Variants in HTR4 observed in about 807,000 individuals in gnomAD.
The protein encoded by HTR4 is 5-hydroxytryptamine receptor 4, also known as 5-hydroxytryptamine (serotonin) receptor 4, G protein-coupled.
A neutral mutation model predicts 36.8 loss-of-function variants in HTR4; 16 were observed. The observed-to-expected ratio is 0.43, with a 90% CI of 0.29 to 0.66. The LOEUF (loss-of-function observed/expected upper bound fraction) is 0.66, where lower values mean the gene tolerates loss of function less well. HTR4 is among the 30% of genes least tolerant of loss of function. The pLI is 0.13. For missense variants in HTR4, 438 were observed against 490.9 expected (o/e 0.89, Z 1.02); for synonymous variants, 189 against 185.1 (o/e 1.02, Z -0.17).
chr5:148,555,858 C>T (rs566789004), intron 2 of HTR4, among the ~76,000 whole-genome samples: 1 of 151,932 alleles, frequency 6.6e-6, no homozygotes, highest in South Asian at 2.1e-4. Flanking sequence ...TGAAAATGGA[C>T]TGTGAATGAT....
intron 2 of HTR4, among the ~76,000 whole-genome samples, chr5:148,582,619 T>C (rs1269629502): frequency 6.6e-6 from 1 of 152,144 alleles, no homozygotes; most frequent in Non-Finnish European, 1.5e-5. Context: ...CCTTTTAAAA[T>C]GAGCCCAATA....
chr5:148,487,852 G>A (rs113600661), intron 6 of HTR4, among the ~76,000 whole-genome samples: 1 of 152,114 alleles, frequency 6.6e-6, no homozygotes, highest in African/African-American at 2.4e-5. Flanking sequence ...CAAAGGGAAA[G>A]GAATGGAAAC....
chr5:148,533,296 A>G (rs891545437), intron 4 of HTR4, among the ~76,000 whole-genome samples: 2 of 152,246 alleles, frequency 1.3e-5, no homozygotes, highest in Admixed American at 1.3e-4. Context: ...ACTAAAATGA[A>G]GCAAGGATAT....
chr5:148,535,478 C>A lies in HTR4; in HGVS notation c.354-12132G>T, dbSNP rs186930321. Among the ~76,000 whole-genome samples the A allele has an allele frequency of 2.6e-5, 4 of 152,042 alleles. No individual in the cohort carries two copies. In the East Asian group the frequency reaches 7.7e-4, roughly 29 times the overall value. ...ATGGCAAAACCCAATCCAAGGAAAC[C>A]AAGACACACAATAAAATGATACAGA... On this transcript the variant is annotated intron_variant, in intron 4 of 6. Transcript: ENST00000377888.
intron 6 of HTR4, among the ~76,000 whole-genome samples, chr5:148,489,245 G>GT (rs1435738828): frequency 6.6e-6 from 1 of 152,162 alleles, no homozygotes; most frequent in Non-Finnish European, 1.5e-5. Flanking sequence ...TATCACATGG[G>GT]TTTTATTATT....
At chr5:148,510,274 A>G (rs1353635303) in intron 5 of HTR4, among the ~76,000 whole-genome samples, 1 of 152,188 alleles carries the variant, frequency 6.6e-6, no homozygotes, top group Admixed American at 6.5e-5. Context: ...CCTACAATAC[A>G]AAGAACCTTG....
chr5:148,632,108 T>A (rs1167972037), intron 2 of HTR4, among the ~76,000 whole-genome samples: 1 of 152,062 alleles, frequency 6.6e-6, no homozygotes, highest in East Asian at 1.9e-4. Context: ...TTCCTTTACA[T>A]CCTTAAAGTG....
At chr5:148,539,952 G>A (rs1196326549) in intron 4 of HTR4, among the ~76,000 whole-genome samples, 2 of 152,076 alleles carry the variant, frequency 1.3e-5, no homozygotes, top group Non-Finnish European at 2.9e-5. Flanking sequence ...TCACAATGGT[G>A]AAGACATAGA....
intron 4 of HTR4, among the ~76,000 whole-genome samples, chr5:148,524,552 C>A (rs765227543): frequency 2.0e-5 from 3 of 152,160 alleles, no homozygotes; most frequent in African/African-American, 7.2e-5. Flanking sequence ...AACTTCTAGA[C>A]CGTTCCTGCA....
chr5:148,453,225 A>C lies in HTR4; in HGVS notation c.1077-1953T>G, dbSNP rs559747767. Among the ~76,000 whole-genome samples the C allele has an allele frequency of 1.3e-4, 20 of 152,244 alleles. No homozygotes were observed. The South Asian group carries it at 3.9e-3, about 30-fold the overall frequency. On this transcript the variant is annotated intron_variant, in intron 5 of 5. Coordinates refer to the HTR4 transcript ENST00000521530. ...AGCCTTACAGCAGCCCCTCAGAAAC[A>C]TCAGGTTCATCTGGACAGTCCCTCT...
chr5:148,458,669 C>A (rs1755189915), intron 5 of HTR4, among the ~76,000 whole-genome samples: 1 of 152,096 alleles, frequency 6.6e-6, no homozygotes, highest in African/African-American at 2.4e-5. Context: ...AAAGGACCAG[C>A]AAGAGCAAAG....
At chr5:148,489,601 C>G (rs551239826) in intron 6 of HTR4, among the ~76,000 whole-genome samples, 1 of 152,236 alleles carries the variant, frequency 6.6e-6, no homozygotes, top group East Asian at 1.9e-4. Context: ...AATGAGTAGT[C>G]TTGTGCCAGG....
At chr5:148,648,030 T>A (rs1443114249) in intron 1 of HTR4, among the ~76,000 whole-genome samples, 1 of 152,128 alleles carries the variant, frequency 6.6e-6, no homozygotes, top group South Asian at 2.1e-4. Context: ...AAAGAATGGA[T>A]TGGTGAATAG....
At chr5:148,533,822 A>C (rs1758686926) in intron 4 of HTR4, among the ~76,000 whole-genome samples, 3 of 152,222 alleles carry the variant, frequency 2.0e-5, no homozygotes, top group African/African-American at 7.2e-5. Context: ...AGAATTGATG[A>C]AATAATATGT....
chr5:148,543,160 T>A (rs995886524), intron 4 of HTR4, among the ~76,000 whole-genome samples: 1 of 152,062 alleles, frequency 6.6e-6, no homozygotes, highest in South Asian at 2.1e-4. Context: ...TCTTTCCTGG[T>A]GGAAGAACCC....
intron 3 of HTR4, 51 bp downstream of exon 3, chr5:148,550,086 G>C (rs754652942): frequency 1.2e-6 from 2 of 1,603,480 alleles, no homozygotes; most frequent in Non-Finnish European, 1.7e-6. Context: ...ACTCTCTAGG[G>C]ACAGCTCAGA....
At position 148,576,117 on chromosome 5, in the gene HTR4, A is replaced by AC. The variant is rs1561629143; in HGVS notation, c.27-25856_27-25855insG. Among the ~76,000 whole-genome samples, 12 of 136,702 alleles carry AC rather than the reference A, an allele frequency of 8.8e-5. 1 individual carries two copies. Among genetic ancestry groups the AC allele is most frequent in the African/African-American group, 3.2e-4 (12 of 37,858 alleles). 89.7% of individuals were successfully genotyped at this position (136,702 alleles called of 152,430 possible). On this transcript the variant is annotated intron_variant, in intron 2 of 6. Transcript: ENST00000377888. ...CAGAGCGAGACTCCGTCTCAAAAAA[A>AC]AAAAAAAAAAAAAAAACAAAATCAA...
chr5:148,508,029 A>G (rs1182396661), intron 6 of HTR4, among the ~76,000 whole-genome samples: 1 of 152,174 alleles, frequency 6.6e-6, no homozygotes, highest in East Asian at 1.9e-4. Flanking sequence ...ACACCATGCT[A>G]GGCTTTAGCT....
intron 2 of HTR4, among the ~76,000 whole-genome samples, chr5:148,602,264 G>A (rs1388220415): frequency 6.6e-6 from 1 of 151,962 alleles, no homozygotes; most frequent in Non-Finnish European, 1.5e-5. Flanking sequence ...ATCAAGTTAT[G>A]GACCATAAAC....
Sources: allele counts gnomAD v4.1 joint callset (sites outside exome capture counted in the v4.1 genomes callset), GRCh38; gene constraint gnomAD v4.1.1; transcripts MANE v1.5; gene names NCBI Gene and HGNC (gene_info 2026-07-23, HGNC 2026-07-21).